KASH5: variants seen among roughly 807,000 people sequenced by gnomAD.
KASH5 encodes the protein protein KASH5.
In KASH5, 72 loss-of-function variants were observed where a neutral mutation model predicts 84.2. The observed-to-expected ratio is 0.85, with a 90% CI of 0.71 to 1.04. The LOEUF (loss-of-function observed/expected upper bound fraction) is 1.04. Among genes scored for constraint, KASH5 ranks in the 50% least tolerant of loss-of-function variants. The pLI is 0.00. For missense variants in KASH5, 650 were observed against 701.0 expected (o/e 0.93, Z 0.82); for synonymous variants, 260 against 279.1 (o/e 0.93, Z 0.68).
In KASH5 at chr19:49,395,164, C is replaced by G; in HGVS notation, c.207C>G (p.Pro69=). ...AYLEAVTGQG[P]QDARLQTLAN... ...TGGAGGCTGTGACAGGCCAGGGCCC[C>G]CAGGATGCACGCCTCCAAACATTGG... Residue 69 remains proline, a synonymous_variant, in exon 4 of 20, where the codon CCC becomes CCG. Coordinates refer to ENST00000447857, the MANE Select transcript of KASH5 (RefSeq NM_144688.5). This position sits in a 1 kb window ranked among gnomAD's most constrained non-coding sequence, Gnocchi z 4.4. The G allele has an allele frequency of 6.2e-7, 1 of 1,612,970 alleles. No homozygotes were observed. The highest frequency in any genetic ancestry group is 2.2e-5 in the East Asian group (1 of 44,806).
At chr19:49,396,462 C>G (rs1449020984) in intron 5 of KASH5, among the ~76,000 whole-genome samples, 1 of 152,110 alleles carries the variant, frequency 6.6e-6, no homozygotes, top group Non-Finnish European at 1.5e-5. Flanking sequence ...CCATGTTGGT[C>G]AGGCTGGTCT....
At chr19:49,410,684 C>T (rs1315161835) in intron 15 of KASH5, among the ~76,000 whole-genome samples, 1 of 152,010 alleles carries the variant, frequency 6.6e-6, no homozygotes, top group Non-Finnish European at 1.5e-5. Context: ...GACGGGGTTT[C>T]GCCATGTTGG....
chr19:49,403,266 T>C (rs7256479), intron 9 of KASH5, among the ~76,000 whole-genome samples: 79,237 of 151,964 alleles, frequency 0.52, 20,773 homozygotes, highest in South Asian at 0.65. Context: ...CCAGCTACTC[T>C]GGAGGCTGAG....
At chr19:49,400,543 TG>T (rs1308957779) in intron 9 of KASH5, among the ~76,000 whole-genome samples, 1 of 151,774 alleles carries the variant, frequency 6.6e-6, no homozygotes, top group East Asian at 1.9e-4. Flanking sequence ...TTTGTTTTTT[TG>T]TTGGTTGGTT....
rs10570219 is a variant in KASH5, at chr19:49,403,385, A to AGG, written c.799-3493_799-3492dup. ...AGACTCTGTCTCAAAATAAAAAAAAAGGGGGGGGGCAGCCAGGAAATGCCC... is the reference window on the plus strand; with the variant it reads ...AGACTCTGTCTCAAAATAAAAAAAAAGGGGGGGGGGGCAGCCAGGAAATGCCC... On this transcript the variant is annotated intron_variant, in intron 9 of 19. Transcript: ENST00000447857. Among the ~76,000 whole-genome samples the AGG allele has an allele frequency of 2.5e-4, 26 of 103,382 alleles. No homozygotes were observed. In the East Asian group the frequency reaches 7.2e-3, roughly 29 times the overall value. The allele number at this position is 103,382 out of a possible 152,430, so 67.8% of individuals were successfully genotyped here.
chr19:49,397,943 G>C, intron 6 of KASH5, 39 bp from the exon 7 acceptor site: 1 of 1,602,880 alleles, frequency 6.2e-7, no homozygotes, highest in South Asian at 1.1e-5. Flanking sequence ...ATGAGTCAGG[G>C]GCTGTGGACA....
intron 1 of KASH5, among the ~76,000 whole-genome samples, chr19:49,389,018 G>A (rs1822318013): frequency 2.7e-5 from 4 of 150,134 alleles, no homozygotes; most frequent in East Asian, 2.0e-4. Flanking sequence ...AGAGACCCCC[G>A]CAGAAATCAA....
intron 9 of KASH5, among the ~76,000 whole-genome samples, chr19:49,404,540 A>G (rs1347320662): frequency 6.6e-6 from 1 of 152,150 alleles, no homozygotes; most frequent in East Asian, 1.9e-4. Flanking sequence ...GCCTCACCAG[A>G]GCCCACCTCG....
intron 9 of KASH5, among the ~76,000 whole-genome samples, chr19:49,404,369 G>A (rs1276397509): frequency 1.3e-5 from 2 of 152,190 alleles, no homozygotes; most frequent in African/African-American, 4.8e-5. Context: ...CTAAACTTTA[G>A]ACTGGAATCT....
chr19:49,409,957 TCA>T (rs561203724), intron 15 of KASH5, 82 bp downstream of exon 15: 32 of 1,536,400 alleles, frequency 2.1e-5, no homozygotes, highest in African/African-American at 5.5e-5. Context: ...GCCCATTCAC[TCA>T]CACTTTTGCT....
chr19:49,417,282 T>G lies in KASH5; in HGVS notation c.1547+16T>G. The G allele has an allele frequency of 6.2e-7, 1 of 1,605,842 alleles. No individual in the cohort carries two copies. The highest frequency in any genetic ancestry group is 1.7e-4 in the Middle Eastern group (1 of 6,034). On this transcript the variant is annotated intron_variant, in intron 19 of 19. Coordinates refer to ENST00000447857, the MANE Select transcript of KASH5 (RefSeq NM_144688.5). The surrounding 1 kb of genome is among the most constrained non-coding windows in gnomAD (Gnocchi z 5.2). ...AGCGGCTCAGGTGTGCCCCCAGGCG[T>G]CTCCAGAAGGAAGGAGGTGGTCTGA...
At position 49,395,183 on chromosome 19, in the gene KASH5, A is replaced by G; in HGVS notation, c.226A>G (p.Thr76Ala). ...GQGPQDARLQ[T>A]LANSLDPNGE... is the part of the protein sequence containing the mutation. ...GGGCCCCCAGGATGCACGCCTCCAA[A>G]CATTGGCCAACAGCCTGGACCCCAA... The change falls in exon 4 of 20, where the codon ACA becomes GCA. Residue 76 changes from threonine to alanine, a missense_variant. By Grantham distance (58) the Thr-to-Ala change is moderately conservative. Coordinates refer to ENST00000447857, the MANE Select transcript of KASH5 (RefSeq NM_144688.5). The surrounding 1 kb of genome is among the most constrained non-coding windows in gnomAD (Gnocchi z 4.4). 6.2e-7 allele frequency: 1 copy of G among 1,613,034 alleles called. No individual in the cohort carries two copies. Among genetic ancestry groups the G allele is most frequent in the Non-Finnish European group, 8.5e-7 (1 of 1,179,510 alleles).
intron 17 of KASH5, chr19:49,415,504 GA>G (rs998029471): frequency 9.5e-6 from 2 of 211,144 alleles, no homozygotes; most frequent in African/African-American, 4.7e-5. Context: ...ACTTGGTAAG[GA>G]GAGGTGAGGA....
intron 12 of KASH5, 28 bp downstream of exon 12, chr19:49,407,699 G>T: frequency 4.4e-6 from 7 of 1,578,726 alleles, no homozygotes; most frequent in Non-Finnish European, 6.0e-6. Context: ...GCCACCCACC[G>T]CGGCCCTCGC....
chr19:49,392,474 G>A (rs924235117), intron 2 of KASH5, among the ~76,000 whole-genome samples: 4 of 152,174 alleles, frequency 2.6e-5, no homozygotes, highest in Non-Finnish European at 5.9e-5. Context: ...CCTGGGATGC[G>A]ACTTCAGACA....
intron 14 of KASH5, 84 bp downstream of exon 14, chr19:49,409,367 C>A: frequency 1.4e-6 from 2 of 1,390,420 alleles, no homozygotes; most frequent in Non-Finnish European, 2.0e-6. Flanking sequence ...TCACACCAGC[C>A]TAGCCCTAAC....
Position 49,412,469 on chromosome 19 carries a change from G to C in KASH5, c.1270-499G>C, listed in dbSNP as rs115368858. Among the ~76,000 whole-genome samples the C allele has an allele frequency of 2.4e-3, 362 of 152,242 alleles. 1 individual carries two copies. The highest frequency in any genetic ancestry group is 8.4e-3 in the African/African-American group (347 of 41,544). On this transcript the variant is annotated intron_variant, in intron 15 of 19. Transcript: ENST00000447857. This position sits in a 1 kb window ranked among gnomAD's most constrained non-coding sequence, Gnocchi z 4.6. The stretch of plus-strand genomic sequence containing the variant: ...CACCATCCTGGAGCTCGAGGATTGC[G>C]TTTAGAAAACAATGGCAAGTTGGTT...
chr19:49,395,067 C>T lies in KASH5; in HGVS notation c.149-39C>T, dbSNP rs925381930. ...CTGCCAGTCCATACCCATCACTCCC[C>T]ACCTGCCCCAGACCCCCTCACTGCA... On this transcript the variant is annotated intron_variant, in intron 3 of 19. Transcript: ENST00000447857. The surrounding 1 kb of genome is among the most constrained non-coding windows in gnomAD (Gnocchi z 4.4). 5 of 1,537,796 alleles carry T rather than the reference C, an allele frequency of 3.3e-6. No homozygotes were observed. In the South Asian group the frequency reaches 6.0e-5, roughly 19 times the overall value.
chr19:49,395,040 T>A lies in KASH5; in HGVS notation c.149-66T>A. The A allele has an allele frequency of 7.7e-7, 1 of 1,300,488 alleles. No individual in the cohort carries two copies. The highest frequency in any genetic ancestry group is 1.0e-6 in the Non-Finnish European group (1 of 960,112). The allele number at this position is 1,300,488 out of a possible 1,614,324, so 80.6% of individuals were successfully genotyped here. A position where few individuals can be genotyped will look rare whatever the true frequency, so the allele number is the denominator to read the frequency against. On this transcript the variant is annotated intron_variant, in intron 3 of 19. Transcript: ENST00000447857. The surrounding 1 kb of genome is among the most constrained non-coding windows in gnomAD (Gnocchi z 4.4). Reference sequence around the variant, plus strand: ...AGCCAGTGACATCCTGGTCCCAAGCTGCTGCCAGTCCATACCCATCACTCC... The same window carrying A: ...AGCCAGTGACATCCTGGTCCCAAGCAGCTGCCAGTCCATACCCATCACTCC...
Sources: allele counts gnomAD v4.1 joint callset (sites outside exome capture counted in the v4.1 genomes callset), GRCh38; gene constraint gnomAD v4.1.1; non-coding constraint Gnocchi (gnomAD v3.1); transcripts MANE v1.5; gene names NCBI Gene and HGNC (gene_info 2026-07-23, HGNC 2026-07-21).